The following NELL1 variants were observed in gnomAD, a reference collection of about 807,000 sequenced individuals.
NELL1 encodes the protein neural EGFL like 1, also known as protein kinase C-binding protein NELL1.
In NELL1, 76 loss-of-function variants were observed where a neutral mutation model predicts 107.4. The ratio of observed to expected loss-of-function variants is 0.71; its 90% CI spans 0.59 to 0.86. The LOEUF (loss-of-function observed/expected upper bound fraction) is 0.86, where lower values mean the gene tolerates loss of function less well. Ranked by LOEUF, NELL1 falls within the 40% of genes least tolerant of loss-of-function variation. The probability of loss-of-function intolerance (pLI) is 0.00; values close to 1 mark genes in which losing one functional copy is unlikely to be tolerated. For missense variants in NELL1, 1,024 were observed against 1,005.5 expected, an observed-to-expected ratio of 1.02 and a Z score of -0.25; for synonymous variants, 353 against 341.2, an observed-to-expected ratio of 1.03 and a Z score of -0.38.
At chr11:20,959,985 A>G (rs1250010902) in intron 11 of NELL1, among the ~76,000 whole-genome samples, 1 of 152,192 alleles carries the variant, frequency 6.6e-6, no homozygotes, top group Admixed American at 6.5e-5. Flanking sequence ...GAGGATAGTT[A>G]TCTCTAGTGG....
intron 4 of NELL1, among the ~76,000 whole-genome samples, chr11:20,855,995 T>G (rs1848875985): frequency 6.6e-6 from 1 of 152,254 alleles, no homozygotes; most frequent in Admixed American, 6.5e-5. Context: ...GATTCATCTA[T>G]CTCCTTGGAA....
chr11:21,272,163 G>C (rs1310388870), intron 14 of NELL1, among the ~76,000 whole-genome samples: 3 of 152,174 alleles, frequency 2.0e-5, no homozygotes, highest in Non-Finnish European at 4.4e-5. Context: ...TCAAAGAAAG[G>C]GGTGACAGAC....
chr11:21,144,503 G>C (rs1422049784), intron 13 of NELL1, among the ~76,000 whole-genome samples: 1 of 152,172 alleles, frequency 6.6e-6, no homozygotes, highest in African/African-American at 2.4e-5. Context: ...AATAGAGAGA[G>C]AGAGGAAGAG....
intron 12 of NELL1, among the ~76,000 whole-genome samples, chr11:21,033,783 T>C (rs1253266703): frequency 6.6e-6 from 1 of 152,100 alleles, no homozygotes; most frequent in Non-Finnish European, 1.5e-5. Context: ...GGTCGAATGG[T>C]ATTTCTGTTT....
At chr11:21,113,499 C>A in intron 12 of NELL1, 90 bp from the exon 13 acceptor site, 1 of 1,321,192 alleles carries the variant, frequency 7.6e-7, no homozygotes, top group Non-Finnish European at 1.1e-6. Flanking sequence ...CTTCTATGGA[C>A]ATTTATCTTT....
intron 10 of NELL1, among the ~76,000 whole-genome samples, chr11:20,945,895 A>G (rs1850952134): frequency 6.6e-6 from 1 of 152,176 alleles, no homozygotes; most frequent in South Asian, 2.1e-4. Context: ...GGACAATTGT[A>G]AGATAGTCAG....
At chr11:21,298,853 T>C (rs1210632340) in intron 14 of NELL1, among the ~76,000 whole-genome samples, 1 of 151,988 alleles carries the variant, frequency 6.6e-6, no homozygotes, top group Non-Finnish European at 1.5e-5. Flanking sequence ...CCTGATACTT[T>C]CCTCATCTTT....
At chr11:21,562,772 A>G (rs1856880479) in intron 17 of NELL1, among the ~76,000 whole-genome samples, 1 of 149,982 alleles carries the variant, frequency 6.7e-6, no homozygotes. Context: ...CCGTCAAATT[A>G]TGCAACAGCA....
intron 12 of NELL1, among the ~76,000 whole-genome samples, chr11:20,985,918 C>T (rs1411668844): frequency 6.6e-6 from 1 of 152,180 alleles, no homozygotes; most frequent in East Asian, 1.9e-4. Context: ...GGATTCAGAG[C>T]TAGGCTACTG....
chr11:21,429,335 G>T (rs1435480896), intron 15 of NELL1, among the ~76,000 whole-genome samples: 1 of 152,162 alleles, frequency 6.6e-6, no homozygotes, highest in Non-Finnish European at 1.5e-5. Context: ...AATGAAATAT[G>T]ATTCAAATGT....
chr11:21,028,462 G>A (rs761179304), intron 12 of NELL1, among the ~76,000 whole-genome samples: 1 of 152,136 alleles, frequency 6.6e-6, no homozygotes, highest in Non-Finnish European at 1.5e-5. Context: ...ACCTAAATTG[G>A]CATTTCAAAG....
intron 15 of NELL1, among the ~76,000 whole-genome samples, chr11:21,485,596 T>C (rs761271467): frequency 2.0e-5 from 3 of 151,096 alleles, no homozygotes; most frequent in African/African-American, 4.9e-5. Context: ...AGGACCGAGG[T>C]GGGAGAAAAT....
At position 21,114,497 on chromosome 11, in the gene NELL1, C is replaced by T. The variant is rs80341073; in HGVS notation, c.1426+783C>T. The stretch of plus-strand genomic sequence containing the variant: ...TGCATCTTTCTCTTTGTTCCAATCA[C>T]GTTGGTATATAAAAAGTGGATTCTT... On this transcript the variant is annotated intron_variant, in intron 13 of 19. Coordinates refer to ENST00000357134, the MANE Select transcript of NELL1 (RefSeq NM_006157.5). Among the ~76,000 whole-genome samples the T allele has an allele frequency of 5.5e-3, 838 of 152,068 alleles. 9 individuals carry two copies. Among genetic ancestry groups the T allele is most frequent in the African/African-American group, 0.019 (805 of 41,510 alleles).
rs145442543 is a variant in NELL1 at position 21,216,815 on chromosome 11, T to C, written c.1427-12517T>C. ...AAGGGACTTGCCTTGTCTCAGATGA[T>C]ACCTTGGACTTTGGGTTTTGGGTTA... On this transcript the variant is annotated intron_variant, in intron 13 of 19. Coordinates refer to ENST00000357134, the MANE Select transcript of NELL1 (RefSeq NM_006157.5). Among the ~76,000 whole-genome samples the C allele has an allele frequency of 3.3e-3, 502 of 152,310 alleles. 3 individuals carry two copies. Among genetic ancestry groups the C allele is most frequent in the African/African-American group, 0.011 (466 of 41,580 alleles).
At chr11:21,475,909 C>T (rs1319316992) in intron 15 of NELL1, among the ~76,000 whole-genome samples, 1 of 152,100 alleles carries the variant, frequency 6.6e-6, no homozygotes, top group Non-Finnish European at 1.5e-5. Context: ...GGATCTTCAA[C>T]TTTGAGATTT....
chr11:21,406,801 T>G (rs1852248291), intron 15 of NELL1, among the ~76,000 whole-genome samples: 1 of 152,030 alleles, frequency 6.6e-6, no homozygotes, highest in African/African-American at 2.4e-5. Flanking sequence ...ATCCCTCACC[T>G]CAAATATGTT....
chr11:21,449,327 A>G (rs556518755), intron 15 of NELL1, among the ~76,000 whole-genome samples: 39 of 152,238 alleles, frequency 2.6e-4, no homozygotes, highest in Admixed American at 7.8e-4. Context: ...AATGTTTGAC[A>G]TTCTTCCATA....
At chr11:21,048,017 C>T (rs568182483) in intron 12 of NELL1, among the ~76,000 whole-genome samples, 1 of 152,326 alleles carries the variant, frequency 6.6e-6, no homozygotes, top group East Asian at 1.9e-4. Context: ...CAGTTCCACA[C>T]TGAATTGCCC....
chr11:20,684,708 TG>T (rs1854266944), intron 2 of NELL1, among the ~76,000 whole-genome samples: 1 of 152,118 alleles, frequency 6.6e-6, no homozygotes, highest in African/African-American at 2.4e-5. Flanking sequence ...CTTTGAGTTT[TG>T]TTCTAGTAAC....
Sources: gnomAD v4.1 joint callset for allele counts (sites outside exome capture counted in the v4.1 genomes callset) on GRCh38, gnomAD v4.1.1 for gene constraint, MANE v1.5 for transcripts, NCBI Gene and HGNC (gene_info 2026-07-23, HGNC 2026-07-21) for gene names.